CBFA2T3: variants seen among roughly 807,000 people sequenced by gnomAD.
CBFA2T3 encodes the protein transcriptional corepressor CBFA2T3.
A neutral mutation model predicts 58.6 loss-of-function variants in CBFA2T3; 31 were observed. The ratio of observed to expected loss-of-function variants is 0.53; its 90% CI spans 0.40 to 0.71. The LOEUF (loss-of-function observed/expected upper bound fraction) is 0.71, where lower values mean the gene tolerates loss of function less well. Among genes scored for constraint, CBFA2T3 ranks in the 30% least tolerant of loss-of-function variants. CBFA2T3 has a pLI of 0.00. For missense variants in CBFA2T3, 1,076 were observed against 963.1 expected (o/e 1.12, Z -1.55); for synonymous variants, 531 against 421.9 (o/e 1.26, Z -3.17).
intron 1 of CBFA2T3, among the ~76,000 whole-genome samples, chr16:88,905,471 T>G (rs552534268): frequency 3.3e-5 from 5 of 151,876 alleles, no homozygotes; most frequent in African/African-American, 1.2e-4. Flanking sequence ...CGGTCCTGCC[T>G]CTTGTTTGAC....
At chr16:88,926,465 A>G (rs1201558047) in intron 1 of CBFA2T3, among the ~76,000 whole-genome samples, 1 of 152,136 alleles carries the variant, frequency 6.6e-6, no homozygotes, top group African/African-American at 2.4e-5. Flanking sequence ...TCAGGGGTCG[A>G]GGCTGAGCGA....
chr16:88,891,195 C>A (rs572928063), intron 5 of CBFA2T3, among the ~76,000 whole-genome samples: 6 of 152,060 alleles, frequency 3.9e-5, no homozygotes, highest in Admixed American at 3.3e-4. Context: ...TCTGCTCTCT[C>A]CACCCCACGT....
intron 7 of CBFA2T3, 48 bp from the exon 8 acceptor site, chr16:88,882,809 C>A: frequency 7.9e-7 from 1 of 1,270,840 alleles, no homozygotes. Flanking sequence ...CAGCCAGTCT[C>A]TGCCCTATTC....
At chr16:88,882,262 A>G (rs1969116457) in intron 8 of CBFA2T3, among the ~76,000 whole-genome samples, 1 of 152,204 alleles carries the variant, frequency 6.6e-6, no homozygotes, top group Admixed American at 6.5e-5. Flanking sequence ...GGGCAGAGCC[A>G]TGGCCGTGTT....
intron 1 of CBFA2T3, among the ~76,000 whole-genome samples, chr16:88,967,751 C>T (rs1412797171): frequency 2.0e-5 from 3 of 151,942 alleles, no homozygotes. Context: ...GAGGGTCAGG[C>T]GCACACTGCC....
chr16:88,891,499 G>C (rs1469130506), intron 5 of CBFA2T3, among the ~76,000 whole-genome samples: 1 of 152,166 alleles, frequency 6.6e-6, no homozygotes, highest in Non-Finnish European at 1.5e-5. Context: ...CCCTATCCCC[G>C]AGCCTTGCCC....
intron 1 of CBFA2T3, among the ~76,000 whole-genome samples, chr16:88,924,162 G>C (rs1284739862): frequency 1.3e-5 from 2 of 152,180 alleles, no homozygotes; most frequent in Admixed American, 6.5e-5. Context: ...GCAGGTGGTG[G>C]TCATGTCTAC....
intron 1 of CBFA2T3, among the ~76,000 whole-genome samples, chr16:88,908,827 C>T (rs1970426796): frequency 6.6e-6 from 1 of 152,254 alleles, no homozygotes. Context: ...GGCCTTTGCA[C>T]AGGCAACATA....
intron 1 of CBFA2T3, among the ~76,000 whole-genome samples, chr16:88,913,587 G>C (rs185713425): frequency 6.6e-6 from 1 of 152,176 alleles, no homozygotes; most frequent in Admixed American, 6.5e-5. Flanking sequence ...GCCGAACCAG[G>C]CCTCAGATGC....
chr16:88,941,943 A>C (rs1293929839), intron 1 of CBFA2T3: 2 of 150,098 alleles, frequency 1.3e-5, no homozygotes, highest in Non-Finnish European at 3.0e-5. Context: ...GCTCGCCCCC[A>C]GCGCGGCGCC....
chr16:88,894,955 T>TG (rs1193055143), intron 3 of CBFA2T3, among the ~76,000 whole-genome samples: 1 of 151,968 alleles, frequency 6.6e-6, no homozygotes, highest in Non-Finnish European at 1.5e-5. Flanking sequence ...CCCTGGATGG[T>TG]GGGGGGTCTT....
chr16:88,917,252 CCA>C (rs779859452), intron 1 of CBFA2T3, among the ~76,000 whole-genome samples: 18 of 152,298 alleles, frequency 1.2e-4, no homozygotes, highest in Admixed American at 3.3e-4. Context: ...ACAGACAACC[CCA>C]GACACAAGCG....
At chr16:88,926,183 G>C (rs1025811410) in intron 1 of CBFA2T3, among the ~76,000 whole-genome samples, 1 of 152,226 alleles carries the variant, frequency 6.6e-6, no homozygotes, top group East Asian at 1.9e-4. Flanking sequence ...GCAGCCGGGG[G>C]TACAACTGGC....
intron 1 of CBFA2T3, among the ~76,000 whole-genome samples, chr16:88,967,387 T>A (rs1972540992): frequency 6.6e-6 from 1 of 151,448 alleles, no homozygotes; most frequent in Non-Finnish European, 1.5e-5. Context: ...CGGGGCAGGA[T>A]GCCTGGGGAC....
At chr16:88,883,030 G>A (rs961562373) in intron 7 of CBFA2T3, among the ~76,000 whole-genome samples, 2 of 152,252 alleles carry the variant, frequency 1.3e-5, no homozygotes, top group African/African-American at 4.8e-5. Context: ...TTCTGCAGCT[G>A]AGGAAACTGA....
intron 1 of CBFA2T3, among the ~76,000 whole-genome samples, chr16:88,974,230 G>A (rs1242737513): frequency 6.6e-6 from 1 of 152,184 alleles, no homozygotes; most frequent in East Asian, 1.9e-4. Context: ...GGGGGGACAA[G>A]GCGGTGAGAG....
chr16:88,894,509 G>GCA (rs1291556798), intron 3 of CBFA2T3, among the ~76,000 whole-genome samples: 1 of 121,146 alleles, frequency 8.3e-6, no homozygotes, highest in Non-Finnish European at 1.6e-5. Flanking sequence ...ACACACACAT[G>GCA]CACACACACA....
chr16:88,903,642 G>T (rs1428348138), intron 1 of CBFA2T3, among the ~76,000 whole-genome samples: 1 of 144,536 alleles, frequency 6.9e-6, no homozygotes, highest in East Asian at 2.2e-4. Context: ...TGTTCCTGTG[G>T]TGGGGGTGTT....
chr16:88,883,616 A>G (rs926708021), intron 7 of CBFA2T3: 7 of 152,036 alleles, frequency 4.6e-5, no homozygotes, highest in African/African-American at 1.7e-4. Flanking sequence ...GGCTGTGCCC[A>G]TGGGAGACGT....
Sources: allele counts gnomAD v4.1 joint callset (sites outside exome capture counted in the v4.1 genomes callset), GRCh38; gene constraint gnomAD v4.1.1; transcripts MANE v1.5; gene names NCBI Gene and HGNC (gene_info 2026-07-23, HGNC 2026-07-21).